GPC1: variants seen among roughly 807,000 people sequenced by gnomAD.
GPC1 encodes glypican-1.
GPC1 carries 26 observed loss-of-function variants against 51.5 expected under a neutral mutation model. The observed-to-expected ratio is 0.50, with a 90% CI of 0.37 to 0.70. The LOEUF is 0.70. Among genes scored for constraint, GPC1 ranks in the 30% least tolerant of loss-of-function variants. The probability of loss-of-function intolerance (pLI) is 0.00; values close to 1 mark genes in which losing one functional copy is unlikely to be tolerated. For synonymous variants in GPC1, 380 were observed against 348.3 expected (o/e 1.09, Z -1.01); for missense variants, 775 against 800.5 (o/e 0.97, Z 0.38).
At chr2:240,436,971 C>A (rs987448494) in intron 1 of GPC1, among the ~76,000 whole-genome samples, 7 of 152,248 alleles carry the variant, frequency 4.6e-5, no homozygotes, top group African/African-American at 1.7e-4. Context: ...GTGGGTGGAA[C>A]GGTGGGCTCC....
intron 2 of GPC1, among the ~76,000 whole-genome samples, chr2:240,460,680 C>T (rs1257473959): frequency 6.6e-6 from 1 of 152,206 alleles, no homozygotes; most frequent in Non-Finnish European, 1.5e-5. Context: ...TCCTGTTCAA[C>T]TCTCCTATCT....
intron 3 of GPC1, 31 bp from the exon 4 acceptor site, chr2:240,463,316 G>A (rs773537725): frequency 1.6e-5 from 26 of 1,605,406 alleles, no homozygotes; most frequent in East Asian, 1.1e-4. Context: ...CCAGGGCCTC[G>A]GGGCCTGGCT....
chr2:240,467,930 C>T lies in GPC1; in HGVS notation c.*1640C>T, dbSNP rs34539825. ...CTCAGACCCCACCCTACGCTCATCT[C>T]TGGAAGGGGCAGCCCTGAGTGGTCA... On this transcript the variant is annotated 3_prime_UTR_variant, in exon 9 of 9. Coordinates refer to ENST00000264039, the MANE Select transcript of GPC1 (RefSeq NM_002081.3). 1 of 152,276 alleles carries T rather than the reference C, an allele frequency of 6.6e-6. No homozygotes were observed. Among genetic ancestry groups the T allele is most frequent in the South Asian group, 2.1e-4 (1 of 4,828 alleles). 9.4% of individuals were successfully genotyped at this position (152,276 alleles called of 1,614,324 possible).
At chr2:240,463,293 G>A in intron 3 of GPC1, 54 bp from the exon 4 acceptor site, 1 of 1,537,086 alleles carries the variant, frequency 6.5e-7, no homozygotes, top group Non-Finnish European at 9.0e-7. Flanking sequence ...GGGCTGGCCG[G>A]GGCCAGGCAC....
intron 1 of GPC1, among the ~76,000 whole-genome samples, chr2:240,438,120 G>A (rs902650360): frequency 1.3e-5 from 2 of 152,202 alleles, no homozygotes; most frequent in African/African-American, 2.4e-5. Flanking sequence ...GTCTAACCAC[G>A]GTGCCAGCCA....
intron 1 of GPC1, chr2:240,449,328 C>T (rs547974377): frequency 6.6e-6 from 1 of 150,566 alleles, no homozygotes; most frequent in Non-Finnish European, 1.5e-5. Context: ...CCCCCACCCC[C>T]ACGCTGCAAA....
At chr2:240,464,254 C>T (rs548254153) in intron 4 of GPC1, 7 of 314,976 alleles carry the variant, frequency 2.2e-5, no homozygotes, top group Admixed American at 8.2e-5. Context: ...CCAGCTCACA[C>T]GGGCTCATGT....
At chr2:240,461,094 G>A (rs1471721288) in intron 2 of GPC1, among the ~76,000 whole-genome samples, 1 of 152,228 alleles carries the variant, frequency 6.6e-6, no homozygotes, top group East Asian at 1.9e-4. Context: ...CTGGGCTAAT[G>A]CATGAACCAC....
rs2074265963 is a variant in GPC1, at chr2:240,466,816, C to T, written c.*526C>T. ...CCTCTGAGATGATGCATGATGCCCT[C>T]CCCTCAGCGCAGGCTGCAGAGCCCG... On this transcript the variant is annotated 3_prime_UTR_variant, in exon 9 of 9. Transcript: ENST00000264039. 1 of 154,878 alleles carries T rather than the reference C, an allele frequency of 6.5e-6. No homozygotes were observed. The highest frequency in any genetic ancestry group is 2.4e-5 in the African/African-American group (1 of 41,518). The allele number at this position is 154,878 out of a possible 1,614,324, so 9.6% of individuals were successfully genotyped here. A position where few individuals can be genotyped will look rare whatever the true frequency, so the allele number is the denominator to read the frequency against.
At chr2:240,464,462 C>T (rs968887523) in intron 4 of GPC1, 154 bp from the exon 5 acceptor site, 4 of 991,452 alleles carry the variant, frequency 4.0e-6, no homozygotes, top group Admixed American at 4.0e-5. Flanking sequence ...ACATGTCACA[C>T]GGGCCAACCT....
chr2:240,455,245 C>G (rs940794501), intron 1 of GPC1, among the ~76,000 whole-genome samples: 2 of 152,256 alleles, frequency 1.3e-5, no homozygotes, highest in Non-Finnish European at 2.9e-5. Context: ...CCCCTTCCCC[C>G]CCAAAAAAAT....
intron 1 of GPC1, chr2:240,457,492 C>T (rs1160923682): frequency 2.1e-6 from 1 of 469,656 alleles, no homozygotes; most frequent in African/African-American, 2.0e-5. Flanking sequence ...TCCTGGGTCC[C>T]CACCCCAGAT....
chr2:240,460,382 C>G (rs2074206149), intron 2 of GPC1, among the ~76,000 whole-genome samples: 1 of 152,144 alleles, frequency 6.6e-6, no homozygotes, highest in East Asian at 1.9e-4. Context: ...TGGTTCTGTC[C>G]CATGTGTAGG....
rs1260272917 is a variant in GPC1, at chr2:240,462,548, G to T, written c.683G>T (p.Gly228Val). 6.5e-7 allele frequency: 1 copy of T among 1,542,296 alleles called. No homozygotes were observed. Among genetic ancestry groups the T allele is most frequent in the Non-Finnish European group, 8.7e-7 (1 of 1,147,738 alleles). The change falls in exon 3 of 9, where the codon GGC becomes GTC. Residue 228 changes from glycine (G) to valine (V), a missense_variant. Gly to Val is a moderately radical substitution (Grantham distance 109). Transcript: ENST00000264039. ...GCTCGCTCCTTTGTGCAGGGCCTGG[G>T]CGTGGCCAGCGACGTGGTCCGGAAA... ...VAARSFVQGL[G>V]VASDVVRKVA...
chr2:240,452,949 CT>C, intron 1 of GPC1: 1 of 325,806 alleles, frequency 3.1e-6, no homozygotes, highest in Non-Finnish European at 6.2e-6. Flanking sequence ...GCTCCGCCGC[CT>C]TTCCCCGGCC....
At position 240,464,659 on chromosome 2, in the gene GPC1, T is replaced by C; in HGVS notation, c.927T>C (p.Gly309=). Residue 309 remains glycine, a synonymous_variant, in exon 5 of 9, where the codon GGT becomes GGC. Transcript: ENST00000264039. ...CCGACAAGTTCTGGGGTACATCGGGTGTGGAGAGTGTCATCGGCAGCGTGC... is the reference window on the plus strand; with the variant it reads ...CCGACAAGTTCTGGGGTACATCGGGCGTGGAGAGTGTCATCGGCAGCGTGC... ...LITDKFWGTS[G]VESVIGSVHT... The C allele has an allele frequency of 6.2e-7, 1 of 1,613,098 alleles. No individual in the cohort carries two copies. The highest frequency in any genetic ancestry group is 8.5e-7 in the Non-Finnish European group (1 of 1,179,872).
intron 1 of GPC1, chr2:240,450,680 C>T (rs761356510): frequency 2.1e-5 from 10 of 469,654 alleles, no homozygotes; most frequent in South Asian, 1.2e-4. Flanking sequence ...GAGGTGCTGG[C>T]TTGGGGGGGT....
rs758534809 is a variant in GPC1 at position 240,462,624 on chromosome 2, C to T, written c.717+42C>T. 4 of 1,485,884 alleles carry T rather than the reference C, an allele frequency of 2.7e-6. No homozygotes were observed. The African/African-American group carries it at 4.2e-5, about 16-fold the overall frequency. 92.0% of individuals were successfully genotyped at this position (1,485,884 alleles called of 1,614,324 possible). On this transcript the variant is annotated intron_variant, in intron 3 of 8. Transcript: ENST00000264039. The stretch of plus-strand genomic sequence containing the variant: ...AGGGCTCTCAGAAACCCCTCCAGAC[C>T]CCCATGCTCTGCCCAAGGGACTTCC...
At chr2:240,458,330 G>A (rs748004433) in intron 1 of GPC1, 32 of 274,290 alleles carry the variant, frequency 1.2e-4, no homozygotes, top group Non-Finnish European at 2.0e-4. Context: ...TGGCAGTGCC[G>A]CTGTCACTGC....
Sources: allele counts gnomAD v4.1 joint callset (sites outside exome capture counted in the v4.1 genomes callset), GRCh38; gene constraint gnomAD v4.1.1; transcripts MANE v1.5; gene names NCBI Gene and HGNC (gene_info 2026-07-23, HGNC 2026-07-21).